The following PYHIN1 variants were observed in gnomAD, a reference collection of about 807,000 sequenced individuals.
PYHIN1 encodes the protein pyrin and HIN domain-containing protein 1.
A neutral mutation model predicts 43.7 loss-of-function variants in PYHIN1; 32 were observed. That is an observed-to-expected ratio of 0.73 (90% CI 0.55 to 0.98). The LOEUF is 0.98. PYHIN1 is among the 50% of genes least tolerant of loss of function. The pLI, the probability that PYHIN1 is intolerant of heterozygous loss-of-function variation, is 0.00. For missense variants in PYHIN1, 588 were observed against 589.5 expected (o/e 1.00, Z 0.03); for synonymous variants, 205 against 203.1 (o/e 1.01, Z -0.08).
intron 7 of PYHIN1, among the ~76,000 whole-genome samples, chr1:158,954,734 C>A (rs1185229639): frequency 4.7e-5 from 7 of 150,006 alleles, no homozygotes; most frequent in Admixed American, 4.7e-4. Flanking sequence ...ATGACAGGAT[C>A]AAATTCATAC....
chr1:158,941,326 C>G (rs981727951), intron 4 of PYHIN1, among the ~76,000 whole-genome samples: 6 of 152,174 alleles, frequency 3.9e-5, no homozygotes. Context: ...TTTCTGTCAG[C>G]ATGCTACCTC....
intron 7 of PYHIN1, among the ~76,000 whole-genome samples, chr1:158,967,698 G>T (rs936912423): frequency 5.9e-5 from 9 of 151,830 alleles, no homozygotes; most frequent in African/African-American, 1.2e-4. Context: ...AAACTATACT[G>T]CAAGGTTACA....
At chr1:158,939,345 C>T in intron 4 of PYHIN1, 98 bp downstream of exon 4, 2 of 1,592,042 alleles carry the variant, frequency 1.3e-6, no homozygotes, top group South Asian at 1.1e-5. Flanking sequence ...AATCATCAGC[C>T]AGTAAATCAA....
rs1553201648 is a variant in PYHIN1, at chr1:158,976,839, A to ATATGTAT, written c.*144_*145insTATGTAT. On this transcript the variant is annotated 3_prime_UTR_variant, in exon 9 of 9. Coordinates refer to ENST00000368140, the MANE Select transcript of PYHIN1 (RefSeq NM_152501.5). ...AAGATAAGATCAAAGCACAGAAAAT[A>ATATGTAT]ATATATGTATATATATCTGGTTGAA... is the stretch of plus-strand genomic sequence containing the variant. 6.2e-6 allele frequency: 2 copies of ATATGTAT among 321,642 alleles called. No individual in the cohort carries two copies. The highest frequency in any genetic ancestry group is 5.8e-6 in the Non-Finnish European group (1 of 172,366). The allele number at this position is 321,642 out of a possible 1,614,324, so 19.9% of individuals were successfully genotyped here.
downstream of PYHIN1, among the ~76,000 whole-genome samples, chr1:158,977,252 C>G (rs1651329232): frequency 6.6e-6 from 1 of 151,924 alleles, no homozygotes; most frequent in Admixed American, 6.6e-5. Flanking sequence ...TGAAATCCAG[C>G]CTGTGATTCT....
intron 1 of PYHIN1, among the ~76,000 whole-genome samples, chr1:158,936,058 T>TTTATTA (rs769135459): frequency 2.6e-5 from 4 of 151,860 alleles, no homozygotes; most frequent in East Asian, 3.9e-4. Context: ...AACTCTTTCT[T>TTTATTA]TTATTATTAT....
Position 158,942,195 on chromosome 1 carries a change from G to C in PYHIN1, c.798G>C (p.Lys266Asn). 6.2e-7 allele frequency: 1 copy of C among 1,613,958 alleles called. No homozygotes were observed. The highest frequency in any genetic ancestry group is 8.5e-7 in the Non-Finnish European group (1 of 1,179,878). ...NINLKRKFIK[K>N]RIIIISNYSK... ...ACTTGAAGAGGAAATTCATTAAAAA[G>C]AGAATCATCATTATATCAAATTATT... The change falls in exon 5 of 9, where the codon AAG becomes AAC. Residue 266 changes from lysine (K) to asparagine (N), a missense_variant. Coordinates refer to ENST00000368140, the MANE Select transcript of PYHIN1 (RefSeq NM_152501.5).
intron 7 of PYHIN1, among the ~76,000 whole-genome samples, chr1:158,968,967 A>T (rs1278832012): frequency 1.3e-5 from 2 of 152,012 alleles, no homozygotes; most frequent in Non-Finnish European, 2.9e-5. Flanking sequence ...TACCTGGGTG[A>T]TGAAATAATC....
chr1:158,945,029 G>A lies in PYHIN1; in HGVS notation c.1346G>A (p.Ser449Asn), dbSNP rs1390445445. 1.2e-6 allele frequency: 2 copies of A among 1,612,842 alleles called. No homozygotes were observed. The highest frequency in any genetic ancestry group is 8.5e-7 in the Non-Finnish European group (1 of 1,179,448). ...PQMPPTTPSS[S>N]SFTKKDETHP... ...ATGCCACCAACAACCCCATCCAGCA[G>A]TTCCTTCACCAAGGTACAATATCCT... The change falls in exon 7 of 9, where the codon AGT (serine) becomes AAT (asparagine). Residue 449 changes from serine to asparagine, a missense_variant. Coordinates refer to ENST00000368140, the MANE Select transcript of PYHIN1 (RefSeq NM_152501.5).
At chr1:158,934,240 G>C (rs1431173772) in intron 1 of PYHIN1, among the ~76,000 whole-genome samples, 5 of 152,126 alleles carry the variant, frequency 3.3e-5, no homozygotes. Context: ...CAAAACATAT[G>C]AATATTTGTG....
At chr1:158,941,735 A>G (rs1429595695) in intron 4 of PYHIN1, among the ~76,000 whole-genome samples, 1 of 152,172 alleles carries the variant, frequency 6.6e-6, no homozygotes, top group African/African-American at 2.4e-5. Context: ...TTGCTATTAT[A>G]TCTTACATTT....
intron 1 of PYHIN1, among the ~76,000 whole-genome samples, chr1:158,935,578 G>C (rs948598227): frequency 3.3e-5 from 5 of 152,192 alleles, no homozygotes; most frequent in Admixed American, 6.5e-5. Context: ...TATGGGCACA[G>C]AGGACAAATA....
At chr1:158,973,592 C>A (rs12071136) in intron 7 of PYHIN1, 55 bp from the exon 8 acceptor site, 279,247 of 1,594,136 alleles carry the variant, frequency 0.18, 33,228 homozygotes, top group African/African-American at 0.62. Flanking sequence ...GCAGAAAAAA[C>A]CAGTTCTTTC....
At chr1:158,961,282 TG>T (rs1650303941) in intron 7 of PYHIN1, among the ~76,000 whole-genome samples, 1 of 152,192 alleles carries the variant, frequency 6.6e-6, no homozygotes. Context: ...GTAAATTATA[TG>T]TACTTTATGT....
the PYHIN1 span, among the ~76,000 whole-genome samples, chr1:158,985,806 G>A: frequency 6.6e-6 from 1 of 151,978 alleles, no homozygotes; most frequent in Non-Finnish European, 1.5e-5. Flanking sequence ...TGTAGGTTTG[G>A]TCTCTTTACA....
At chr1:158,981,891 AT>A (rs1212771877), downstream of PYHIN1, among the ~76,000 whole-genome samples, 1 of 152,106 alleles carries the variant, frequency 6.6e-6, no homozygotes, top group Non-Finnish European at 1.5e-5. Context: ...TTCTCTAATG[AT>A]TAGTGATATT....
At chr1:158,956,242 A>C (rs1390359746) in intron 7 of PYHIN1, among the ~76,000 whole-genome samples, 1 of 151,672 alleles carries the variant, frequency 6.6e-6, no homozygotes, top group Non-Finnish European at 1.5e-5. Context: ...AATCCTCCCT[A>C]ACTCATTTTA....
Position 158,943,830 on chromosome 1 carries a change from A to G in PYHIN1, c.1043A>G (p.Asp348Gly), listed in dbSNP as rs1649065536. 1 of 1,606,436 alleles carries G rather than the reference A, an allele frequency of 6.2e-7. No homozygotes were observed. Among genetic ancestry groups the G allele is most frequent in the Non-Finnish European group, 8.5e-7 (1 of 1,175,574 alleles). ...AAGACGACAATCTATGAAATTCAGGATAAAACAGGAAGTATGGCTGTAGTA... is the reference window on the plus strand; with the variant it reads ...AAGACGACAATCTATGAAATTCAGGGTAAAACAGGAAGTATGGCTGTAGTA... ...NRKTTIYEIQ[D>G]KTGSMAVVGK... Residue 348 changes from aspartate (D) to glycine (G), a missense_variant, in exon 6 of 9, where the codon GAT becomes GGT. Coordinates refer to ENST00000368140, the MANE Select transcript of PYHIN1 (RefSeq NM_152501.5).
At chr1:158,936,302 C>A (rs1164730545) in intron 1 of PYHIN1, among the ~76,000 whole-genome samples, 1 of 145,250 alleles carries the variant, frequency 6.9e-6, no homozygotes, top group Non-Finnish European at 1.5e-5. Context: ...TGAGTAAGAA[C>A]ATGCGGTGTT....
Sources: allele counts gnomAD v4.1 joint callset (sites outside exome capture counted in the v4.1 genomes callset), GRCh38; gene constraint gnomAD v4.1.1; transcripts MANE v1.5; gene names NCBI Gene and HGNC (gene_info 2026-07-23, HGNC 2026-07-21).